Variants in KLRG1 observed in about 807,000 individuals in gnomAD.
KLRG1 encodes killer cell lectin-like receptor subfamily G member 1.
A neutral mutation model predicts 21.8 loss-of-function variants in KLRG1; 16 were observed. That is an observed-to-expected ratio of 0.73 (90% CI 0.50 to 1.11). The LOEUF (loss-of-function observed/expected upper bound fraction) is 1.11. Ranked by LOEUF, KLRG1 falls within the 50% of genes most tolerant of loss-of-function variation. The pLI is 0.00. For missense variants in KLRG1, 173 were observed against 218.3 expected (o/e 0.79, Z 1.31); for synonymous variants, 69 against 75.9 (o/e 0.91, Z 0.47).
chr12:9,063,879 T>C, the KLRG1 span, among the ~76,000 whole-genome samples: 3 of 152,340 alleles, frequency 2.0e-5, no homozygotes, highest in Admixed American at 2.0e-4. Flanking sequence ...ATAAACACTC[T>C]TGGTCAGTGA....
chr12:9,008,428 C>T (rs1361659494), intron 3 of KLRG1, among the ~76,000 whole-genome samples: 1 of 152,220 alleles, frequency 6.6e-6, no homozygotes, highest in Non-Finnish European at 1.5e-5. Context: ...ACAGCTAACA[C>T]ATCTTTAGAA....
At chr12:9,142,671 GT>G in the KLRG1 span, among the ~76,000 whole-genome samples, 10 of 152,136 alleles carry the variant, frequency 6.6e-5, no homozygotes, top group Admixed American at 6.5e-4. Context: ...AAATCCAGTA[GT>G]TATAAGATTT....
chr12:9,072,407 CA>C, the KLRG1 span: 1 of 1,613,862 alleles, frequency 6.2e-7, no homozygotes, highest in Non-Finnish European at 8.5e-7. Flanking sequence ...GGGTTCATCA[CA>C]AGTTTGAGGC....
At chr12:9,101,269 TC>T in the KLRG1 span, 1 of 1,496,252 alleles carries the variant, frequency 6.7e-7, no homozygotes, top group Non-Finnish European at 9.1e-7. Context: ...CAGTCTCACT[TC>T]AATATACTTG....
chr12:9,109,986 C>A, the KLRG1 span: 5 of 1,613,668 alleles, frequency 3.1e-6, no homozygotes, highest in Admixed American at 5.0e-5. Context: ...CTTGAGGCCA[C>A]CCTCTAACTG....
chr12:9,064,353 A>G, the KLRG1 span: 1 of 154,112 alleles, frequency 6.5e-6, no homozygotes, highest in Non-Finnish European at 1.5e-5. The surrounding 1 kb of genome is among the most constrained non-coding windows in gnomAD (Gnocchi z 4.0). Flanking sequence ...AGGGGCGGGC[A>G]GCGGCGGCGG....
At chr12:9,151,574 T>C in the KLRG1 span, 2 of 1,592,976 alleles carry the variant, frequency 1.3e-6, no homozygotes, top group South Asian at 1.1e-5. Context: ...GACCCATATG[T>C]AGTCTCAGCC....
chr12:9,198,084 G>A, the KLRG1 span, among the ~76,000 whole-genome samples: 1 of 149,202 alleles, frequency 6.7e-6, no homozygotes, highest in Admixed American at 6.8e-5. Flanking sequence ...CAGGTGCTTT[G>A]GCTCATGCCT....
chr12:8,960,135 A>G (rs1946358707), intron 1 of KLRG1, among the ~76,000 whole-genome samples: 1 of 152,202 alleles, frequency 6.6e-6, no homozygotes, highest in Non-Finnish European at 1.5e-5. Context: ...GAGGAGGGGA[A>G]TAAGTTAGGC....
downstream of KLRG1, among the ~76,000 whole-genome samples, chr12:9,015,231 C>T (rs1947683698): frequency 6.6e-6 from 1 of 151,966 alleles, no homozygotes; most frequent in Non-Finnish European, 1.5e-5. Flanking sequence ...TGGATAAAAA[C>T]ACAAGACCCA....
At chr12:9,197,139 T>C in the KLRG1 span, 95 of 1,542,620 alleles carry the variant, frequency 6.2e-5, no homozygotes, top group East Asian at 2.1e-3. Flanking sequence ...ACATGAGAAA[T>C]AAATCAGGAA....
At chr12:9,024,093 T>C in the KLRG1 span, among the ~76,000 whole-genome samples, 2 of 139,228 alleles carry the variant, frequency 1.4e-5, no homozygotes, top group Admixed American at 8.1e-5. Flanking sequence ...CAGTGGGTGA[T>C]CTCAGCTTAC....
chr12:9,202,462 G>A, the KLRG1 span: 9 of 1,612,182 alleles, frequency 5.6e-6, no homozygotes, highest in Non-Finnish European at 1.7e-6. Flanking sequence ...GGATAATGGA[G>A]ACTTTGGCTG....
chr12:9,198,212 A>G, the KLRG1 span, among the ~76,000 whole-genome samples: 10 of 151,746 alleles, frequency 6.6e-5, no homozygotes, highest in African/African-American at 2.2e-4. Flanking sequence ...TTAGCTGGGT[A>G]TGGTGACATG....
At chr12:9,070,489 A>G in the KLRG1 span, 1 of 1,612,010 alleles carries the variant, frequency 6.2e-7, no homozygotes, top group Non-Finnish European at 8.5e-7. Context: ...TAAACCTACC[A>G]TTTTCACTGT....
At chr12:9,093,651 C>CA in the KLRG1 span, 2 of 742,840 alleles carry the variant, frequency 2.7e-6, no homozygotes, top group South Asian at 4.8e-5. Context: ...TAATAGTTGC[C>CA]ACCAAAAAAA....
At chr12:9,070,696 T>C in the KLRG1 span, 1 of 682,350 alleles carries the variant, frequency 1.5e-6, no homozygotes, top group African/African-American at 1.8e-5. Flanking sequence ...TTCCCAAATA[T>C]CTTATCCCAG....
In KLRG1 at chr12:9,005,838, G is replaced by A. The variant is rs116750173; in HGVS notation, c.358-3137G>A. On this transcript the variant is annotated intron_variant, in intron 3 of 4. Coordinates refer to ENST00000356986, the MANE Select transcript of KLRG1 (RefSeq NM_005810.4). ...TAGATCCCTCACATGTGCAGTTCAC[G>A]ATAGTGTTTGTACTCCTATGAGAAT... Among the ~76,000 whole-genome samples, 1,464 of 152,230 alleles carry A rather than the reference G, an allele frequency of 9.6e-3. 20 individuals carry two copies. Among genetic ancestry groups the A allele is most frequent in the African/African-American group, 0.033 (1,364 of 41,536 alleles).
the KLRG1 span, among the ~76,000 whole-genome samples, chr12:9,162,969 G>A: frequency 6.6e-6 from 1 of 152,018 alleles, no homozygotes; most frequent in African/African-American, 2.4e-5. Flanking sequence ...TATGTTGCTC[G>A]CCTCCATGTG....
Sources: allele counts gnomAD v4.1 joint callset (sites outside exome capture counted in the v4.1 genomes callset), GRCh38; gene constraint gnomAD v4.1.1; non-coding constraint Gnocchi (gnomAD v3.1); transcripts MANE v1.5; gene names NCBI Gene and HGNC (gene_info 2026-07-23, HGNC 2026-07-21).